The following VWF variants were observed in gnomAD, a reference collection of about 807,000 sequenced individuals.
VWF encodes von Willebrand factor.
VWF carries 176 observed loss-of-function variants against 308.6 expected under a neutral mutation model. That is an observed-to-expected ratio of 0.57 (90% CI 0.50 to 0.65). The LOEUF (loss-of-function observed/expected upper bound fraction) is 0.65. Ranked by LOEUF, VWF falls within the 30% of genes least tolerant of loss-of-function variation. The pLI, the probability that VWF is intolerant of heterozygous loss-of-function variation, is 0.00. For missense variants in VWF, 3,146 were observed against 3,648.2 expected (o/e 0.86, Z 3.55); for synonymous variants, 1,385 against 1,443.4 (o/e 0.96, Z 0.92).
At chr12:6,103,366 A>ATG (rs372921016) in intron 5 of VWF, among the ~76,000 whole-genome samples, 15,378 of 142,374 alleles carry the variant, frequency 0.11, 1,304 homozygotes, top group Middle Eastern at 0.21. Context: ...ATACATATAT[A>ATG]TGTGTGTGTG....
At position 6,019,758 on chromosome 12, in the gene VWF, G is replaced by C. The variant is rs560584036; in HGVS notation, c.3675-15C>G. On this transcript the variant is annotated splice_polypyrimidine_tract_variant and intron_variant, in intron 27 of 51. Coordinates refer to ENST00000261405, the MANE Select transcript of VWF (RefSeq NM_000552.5). This position sits in a 1 kb window ranked among gnomAD's most constrained non-coding sequence, Gnocchi z 5.8. ...CATCACAGTGGCTGCAGAAAAGAGC[G>C]AAGAAATTAAAATGGTTCAGGAAGA... 5 of 1,604,352 alleles carry C rather than the reference G, an allele frequency of 3.1e-6. No individual in the cohort carries two copies. The African/African-American group carries it at 6.7e-5, about 21-fold the overall frequency.
Position 5,949,226 on chromosome 12 carries a change from G to A in VWF, c.8254-23C>T, listed in dbSNP as rs200274827. 26 of 1,611,192 alleles carry A rather than the reference G, an allele frequency of 1.6e-5. No individual in the cohort carries two copies. In the Admixed American group the frequency reaches 3.3e-4, roughly 21 times the overall value. Reference sequence around the variant, plus strand: ...GCCCTGCAAGAAAGCAGAGGAAGATGGGAGCTTCACAATGGTGGGAAGTCC... The same window carrying A: ...GCCCTGCAAGAAAGCAGAGGAAGATAGGAGCTTCACAATGGTGGGAAGTCC... On this transcript the variant is annotated intron_variant, in intron 51 of 51. Coordinates refer to ENST00000261405, the MANE Select transcript of VWF (RefSeq NM_000552.5).
chr12:5,963,063 T>G (rs1326407488), intron 47 of VWF, among the ~76,000 whole-genome samples: 1 of 152,190 alleles, frequency 6.6e-6, no homozygotes, highest in Non-Finnish European at 1.5e-5. Context: ...GACCTTAGAA[T>G]GGACAAAAAC....
intron 18 of VWF, among the ~76,000 whole-genome samples, chr12:6,043,793 A>T (rs1294142188): frequency 6.6e-6 from 1 of 152,238 alleles, no homozygotes; most frequent in Non-Finnish European, 1.5e-5. Context: ...GATGAGGAAA[A>T]CAAGTTTCAT....
rs1353462664 is a variant in VWF at position 5,966,607 on chromosome 12, G to A, written c.7887+879C>T. Reference sequence around the variant, plus strand: ...TCTTGGCCCCCACCCCCTCCCCTCTGGCCACTGTGCTGCCTGCTTATAAGA... The same window carrying A: ...TCTTGGCCCCCACCCCCTCCCCTCTAGCCACTGTGCTGCCTGCTTATAAGA... On this transcript the variant is annotated intron_variant, in intron 47 of 51. Transcript: ENST00000261405. Among the ~76,000 whole-genome samples the A allele has an allele frequency of 6.8e-5, 8 of 118,248 alleles. No homozygotes were observed. The East Asian group carries it at 1.9e-3, about 28-fold the overall frequency. 77.6% of individuals were successfully genotyped at this position (118,248 alleles called of 152,430 possible).
chr12:6,030,910 T>A (rs1165195034), intron 21 of VWF, among the ~76,000 whole-genome samples: 1 of 152,080 alleles, frequency 6.6e-6, no homozygotes, highest in East Asian at 1.9e-4. Flanking sequence ...ACACCTGTAG[T>A]CCCAGCTACT....
intron 47 of VWF, among the ~76,000 whole-genome samples, chr12:5,956,345 G>T (rs779902762): frequency 2.0e-5 from 3 of 152,212 alleles, no homozygotes; most frequent in Non-Finnish European, 4.4e-5. Context: ...AGAAGGCATT[G>T]TTATCACAGA....
At chr12:5,985,700 A>G in intron 38 of VWF, 35 bp from the exon 39 acceptor site, 2 of 1,594,458 alleles carry the variant, frequency 1.3e-6, no homozygotes, top group Non-Finnish European at 1.7e-6. Context: ...AGGGCACAGG[A>G]CATTCTAGGT....
At chr12:6,047,454 G>A (rs552039645) in intron 16 of VWF, among the ~76,000 whole-genome samples, 97 of 152,236 alleles carry the variant, frequency 6.4e-4, no homozygotes, top group Non-Finnish European at 1.2e-3. Context: ...ATCTGGCTTC[G>A]CAACCAGAAA....
intron 44 of VWF, among the ~76,000 whole-genome samples, chr12:5,969,824 C>A (rs992958749): frequency 1.3e-5 from 2 of 152,206 alleles, no homozygotes; most frequent in African/African-American, 2.4e-5. Context: ...TGGCCTGGGA[C>A]CCCTGCAGCC....
At chr12:6,112,771 C>A (rs1441237252) in intron 3 of VWF, among the ~76,000 whole-genome samples, 1 of 152,020 alleles carries the variant, frequency 6.6e-6, no homozygotes, top group Non-Finnish European at 1.5e-5. Flanking sequence ...GAGTCCCCAG[C>A]AGGGCTCTGG....
chr12:5,996,328 G>A (rs753752343), intron 34 of VWF, 106 bp from the exon 35 acceptor site: 1 of 1,033,764 alleles, frequency 9.7e-7, no homozygotes, highest in East Asian at 2.6e-5. Flanking sequence ...AAATACAGTA[G>A]AGAATGGAAC....
At chr12:6,037,945 G>T (rs1389771554) in intron 18 of VWF, among the ~76,000 whole-genome samples, 1 of 152,188 alleles carries the variant, frequency 6.6e-6, no homozygotes, top group Non-Finnish European at 1.5e-5. Flanking sequence ...ATCCTCCACT[G>T]CTTAATGTCA....
At chr12:5,994,391 G>A (rs775113147) in intron 36 of VWF, 24 bp downstream of exon 36, 1 of 1,613,196 alleles carries the variant, frequency 6.2e-7, no homozygotes, top group Non-Finnish European at 8.5e-7. Flanking sequence ...AGGGGGAGAA[G>A]AGGAGTTGAG....
intron 18 of VWF, among the ~76,000 whole-genome samples, chr12:6,042,546 G>A (rs948832604): frequency 1.4e-4 from 22 of 152,240 alleles, no homozygotes; most frequent in African/African-American, 4.3e-4. Context: ...CGCCGGCATC[G>A]TAAGGAAGCA....
chr12:6,099,230 G>GA (rs775394757), intron 5 of VWF, among the ~76,000 whole-genome samples: 33 of 146,828 alleles, frequency 2.2e-4, no homozygotes, highest in Non-Finnish European at 4.3e-4. Flanking sequence ...TGAGGCAGAA[G>GA]AACCACTTGA....
chr12:6,019,277 T>A lies in VWF; in HGVS notation c.4141A>T (p.Thr1381Ser), dbSNP rs216311. 6.2e-7 allele frequency: 1 copy of A among 1,613,608 alleles called. No homozygotes were observed. ...TCCTGGCTGGCCATCAGGAGCAGGG[T>A]GATGCGGGAGGCTTCAGGGCGGTCG... is the stretch of plus-strand genomic sequence containing the variant. ...KIDRPEASRI[T>S]LLLMASQEPQ... Residue 1381 changes from threonine to serine, a missense_variant, in exon 28 of 52, where the codon ACC (threonine) becomes TCC (serine). Thr to Ser is a moderately conservative substitution (Grantham distance 58, BLOSUM62 1). Coordinates refer to ENST00000261405, the MANE Select transcript of VWF (RefSeq NM_000552.5). This position sits in a 1 kb window ranked among gnomAD's most constrained non-coding sequence, Gnocchi z 5.8.
chr12:5,988,730 A>G (rs767611058), intron 38 of VWF, among the ~76,000 whole-genome samples: 54 of 152,332 alleles, frequency 3.5e-4, no homozygotes, highest in African/African-American at 1.2e-3. Flanking sequence ...AGGCCTGGCC[A>G]GGCTATGCAG....
rs560517989 is a variant in VWF, at chr12:6,006,949, T to TA, written c.5842+4667dup. Among the ~76,000 whole-genome samples the TA allele has an allele frequency of 2.6e-5, 4 of 152,230 alleles. No individual in the cohort carries two copies. In the East Asian group the frequency reaches 7.7e-4, roughly 29 times the overall value. On this transcript the variant is annotated intron_variant, in intron 34 of 51. Transcript: ENST00000261405. ...AAAAGACAGCACAGGTAGCCATACT[T>TA]AGAGAAATTAAACTTCAAGTCAAAG...
Sources: gnomAD v4.1 joint callset for allele counts (sites outside exome capture counted in the v4.1 genomes callset) on GRCh38, gnomAD v4.1.1 for gene constraint, Gnocchi (gnomAD v3.1) non-coding constraint, MANE v1.5 for transcripts, NCBI Gene and HGNC (gene_info 2026-07-23, HGNC 2026-07-21) for gene names.